Variants in EIPR1 observed in about 807,000 individuals in gnomAD.
EIPR1 encodes the protein EARP complex and GARP complex interacting protein 1, also known as EARP and GARP complex-interacting protein 1.
Under a neutral mutation model 48.1 loss-of-function variants are expected in EIPR1, and 25 were observed. That is an observed-to-expected ratio of 0.52 (90% CI 0.38 to 0.73). The LOEUF is 0.73. EIPR1 is among the 30% of genes least tolerant of loss of function. EIPR1 has a pLI of 0.00. For missense variants in EIPR1, 415 were observed against 506.2 expected (o/e 0.82, Z 1.73); for synonymous variants, 204 against 201.9 (o/e 1.01, Z -0.09).
chr2:3,372,802 T>C (rs376952005), intron 1 of EIPR1, among the ~76,000 whole-genome samples: 1 of 152,050 alleles, frequency 6.6e-6, no homozygotes, highest in Admixed American at 6.6e-5. Context: ...ACCAGAGGTA[T>C]AAGGAGGAAC....
At chr2:3,309,523 T>C (rs1669057515) in intron 3 of EIPR1, among the ~76,000 whole-genome samples, 2 of 152,096 alleles carry the variant, frequency 1.3e-5, no homozygotes, top group African/African-American at 4.8e-5. Flanking sequence ...AGTCTCAGTA[T>C]ACCAATGACA....
intron 4 of EIPR1, among the ~76,000 whole-genome samples, chr2:3,218,349 C>T (rs1463536477): frequency 3.4e-5 from 5 of 148,546 alleles, no homozygotes; most frequent in Non-Finnish European, 6.0e-5. Flanking sequence ...GGCCCTGATA[C>T]ACTCTAGAGC....
chr2:3,266,398 A>T (rs1667490126), intron 3 of EIPR1, among the ~76,000 whole-genome samples: 1 of 152,240 alleles, frequency 6.6e-6, no homozygotes, highest in African/African-American at 2.4e-5. Context: ...CTCGGGGTGC[A>T]CAACAGGATG....
At chr2:3,292,543 T>C (rs1456156900) in intron 3 of EIPR1, among the ~76,000 whole-genome samples, 1 of 152,220 alleles carries the variant, frequency 6.6e-6, no homozygotes, top group Non-Finnish European at 1.5e-5. Flanking sequence ...GATCTCCAGA[T>C]AGGTGCTGCT....
intron 3 of EIPR1, among the ~76,000 whole-genome samples, chr2:3,257,757 G>T (rs1667206735): frequency 6.6e-6 from 1 of 152,128 alleles, no homozygotes; most frequent in African/African-American, 2.4e-5. Flanking sequence ...TTCTTCAATA[G>T]TTCTTCAAAA....
rs576799302 is a variant in EIPR1 at position 3,329,247 on chromosome 2, G to GC, written c.259+8769dup. Reference sequence around the variant, plus strand: ...AGGCTCTAGTGATCTCAGGGCACCAGCTGGGCTCCCCTGGATCAGACTCTA... The same window carrying GC: ...AGGCTCTAGTGATCTCAGGGCACCAGCCTGGGCTCCCCTGGATCAGACTCTA... On this transcript the variant is annotated intron_variant, in intron 3 of 8. Transcript: ENST00000382125. Among the ~76,000 whole-genome samples, 102 of 49,712 alleles carry GC rather than the reference G, an allele frequency of 2.1e-3. 3 individuals carry two copies. In the East Asian group the frequency reaches 0.029, roughly 14 times the overall value. The allele number at this position is 49,712 out of a possible 152,430, so 32.6% of individuals were successfully genotyped here.
At chr2:3,206,449 A>T (rs530891682) in intron 5 of EIPR1, among the ~76,000 whole-genome samples, 2 of 152,326 alleles carry the variant, frequency 1.3e-5, no homozygotes, top group African/African-American at 4.8e-5. Context: ...CCCGCATGAG[A>T]GTCTGCATTG....
At chr2:3,283,995 A>C (rs915682287) in intron 3 of EIPR1, among the ~76,000 whole-genome samples, 4 of 152,142 alleles carry the variant, frequency 2.6e-5, no homozygotes, top group Non-Finnish European at 5.9e-5. Context: ...AAGGGAAAAC[A>C]ACCACCTGAG....
intron 3 of EIPR1, among the ~76,000 whole-genome samples, chr2:3,277,776 G>T (rs1337174892): frequency 1.3e-5 from 2 of 152,218 alleles, no homozygotes; most frequent in African/African-American, 4.8e-5. Context: ...TCGGCTAGGG[G>T]CCCTGACTGC....
At chr2:3,303,845 G>A (rs1209866332) in intron 3 of EIPR1, among the ~76,000 whole-genome samples, 9 of 152,146 alleles carry the variant, frequency 5.9e-5, no homozygotes, top group Non-Finnish European at 1.5e-5. Context: ...ACAGCAGGCT[G>A]ACCAGCCATA....
chr2:3,286,528 G>A lies in EIPR1; in HGVS notation c.260-29073C>T, dbSNP rs1268430447. 1.3e-5 allele frequency among the ~76,000 whole-genome samples: 2 copies of A among 152,234 alleles called. No homozygotes were observed. The highest frequency in any genetic ancestry group is 2.9e-5 in the Non-Finnish European group (2 of 68,044). On this transcript the variant is annotated intron_variant, in intron 3 of 8. Transcript: ENST00000382125. The surrounding 1 kb of genome is among the most constrained non-coding windows in gnomAD (Gnocchi z 4.2). Reference sequence around the variant, plus strand: ...GTGTCCGTGACAGGGAAAGGCTGAGGCATCAGGCTTCGGGCTGTGTCTACC... The same window carrying A: ...GTGTCCGTGACAGGGAAAGGCTGAGACATCAGGCTTCGGGCTGTGTCTACC...
intron 3 of EIPR1, among the ~76,000 whole-genome samples, chr2:3,335,436 T>TG (rs1670013415): frequency 6.6e-6 from 1 of 151,470 alleles, no homozygotes; most frequent in African/African-American, 2.4e-5. Flanking sequence ...AGGCAGCTCC[T>TG]GTTGTGCTGA....
intron 3 of EIPR1, among the ~76,000 whole-genome samples, chr2:3,267,469 G>A (rs1453556766): frequency 1.3e-5 from 2 of 152,256 alleles, no homozygotes; most frequent in Admixed American, 1.3e-4. Context: ...GACAGTGCAT[G>A]ATCATAAACT....
chr2:3,254,042 C>G (rs553446442), intron 4 of EIPR1, among the ~76,000 whole-genome samples: 67 of 152,284 alleles, frequency 4.4e-4, no homozygotes, highest in Non-Finnish European at 7.9e-4. Flanking sequence ...CAGTAAACAT[C>G]TCCTGGAGCT....
chr2:3,334,628 C>G (rs896052583), intron 3 of EIPR1, among the ~76,000 whole-genome samples: 1 of 152,348 alleles, frequency 6.6e-6, no homozygotes, highest in Admixed American at 6.5e-5. Flanking sequence ...AGGTTAAGCA[C>G]GAGTCAAGCA....
intron 4 of EIPR1, among the ~76,000 whole-genome samples, chr2:3,254,846 G>A (rs1453618219): frequency 1.3e-5 from 2 of 152,202 alleles, no homozygotes; most frequent in East Asian, 1.9e-4. Context: ...GTTCACACAC[G>A]AATGCATATA....
At chr2:3,260,535 G>T (rs1212648181) in intron 3 of EIPR1, among the ~76,000 whole-genome samples, 1 of 126,560 alleles carries the variant, frequency 7.9e-6, no homozygotes, top group Non-Finnish European at 1.7e-5. Flanking sequence ...GGGAGGGAGG[G>T]AGGGAAGGAG....
intron 6 of EIPR1, among the ~76,000 whole-genome samples, chr2:3,194,709 G>A (rs1664749366): frequency 3.3e-5 from 5 of 151,520 alleles, no homozygotes; most frequent in African/African-American, 7.3e-5. Context: ...GGGGGGCAGT[G>A]GGGAAGGCCA....
chr2:3,334,542 C>A (rs566960460), intron 3 of EIPR1, among the ~76,000 whole-genome samples: 4 of 152,366 alleles, frequency 2.6e-5, no homozygotes, highest in Middle Eastern at 3.4e-3. Flanking sequence ...CCTTGCCCCA[C>A]GGGTGCGACC....
Sources: allele counts gnomAD v4.1 joint callset (sites outside exome capture counted in the v4.1 genomes callset), GRCh38; gene constraint gnomAD v4.1.1; non-coding constraint Gnocchi (gnomAD v3.1); transcripts MANE v1.5; gene names NCBI Gene and HGNC (gene_info 2026-07-23, HGNC 2026-07-21).